ZNF675: variants seen among roughly 807,000 people sequenced by gnomAD.
ZNF675 encodes TRAF6 inhibitory zinc finger.
In ZNF675, 36 loss-of-function variants were observed where a neutral mutation model predicts 56.1. The ratio of observed to expected loss-of-function variants is 0.64; its 90% CI spans 0.49 to 0.85. The LOEUF (loss-of-function observed/expected upper bound fraction) is 0.85. Among genes scored for constraint, ZNF675 ranks in the 40% least tolerant of loss-of-function variants. The pLI, the probability that ZNF675 is intolerant of heterozygous loss-of-function variation, is 0.00. For missense variants in ZNF675, 663 were observed against 654.2 expected, an observed-to-expected ratio of 1.01 and a Z score of -0.15; for synonymous variants, 200 against 218.9, an observed-to-expected ratio of 0.91 and a Z score of 0.76.
chr19:23,668,273 T>C (rs1367498153), intron 1 of ZNF675, among the ~76,000 whole-genome samples: 3 of 148,522 alleles, frequency 2.0e-5, no homozygotes, highest in African/African-American at 5.0e-5. Flanking sequence ...AGAGTGTCGA[T>C]TGGTGCACTC....
At chr19:23,678,013 G>C (rs879522534) in intron 1 of ZNF675, among the ~76,000 whole-genome samples, 1 of 151,282 alleles carries the variant, frequency 6.6e-6, no homozygotes, top group African/African-American at 2.4e-5. Flanking sequence ...CCAGCTACTC[G>C]CGAGTCTGAG....
intron 1 of ZNF675, among the ~76,000 whole-genome samples, chr19:23,664,757 C>T (rs189773034): frequency 1.3e-5 from 2 of 152,096 alleles, no homozygotes; most frequent in Admixed American, 6.6e-5. Context: ...TTGAGAACAA[C>T]CTGGCCAACA....
chr19:23,663,233 G>C (rs1599413544), intron 1 of ZNF675, 75 bp from the exon 2 acceptor site: 1 of 1,520,910 alleles, frequency 6.6e-7, no homozygotes, highest in East Asian at 2.4e-5. Context: ...GGTAAAATGA[G>C]AGACTAAAGA....
chr19:23,659,563 G>A (rs1172454633), intron 3 of ZNF675, among the ~76,000 whole-genome samples: 1 of 152,182 alleles, frequency 6.6e-6, no homozygotes, highest in African/African-American at 2.4e-5. Flanking sequence ...GCCTTTGAGA[G>A]CTTTGAGATC....
At chr19:23,659,642 G>A (rs1968049787) in intron 3 of ZNF675, among the ~76,000 whole-genome samples, 1 of 152,126 alleles carries the variant, frequency 6.6e-6, no homozygotes. Context: ...CAGAAGGCAG[G>A]CCCTCATTCA....
chr19:23,663,222 A>G, intron 1 of ZNF675, 64 bp from the exon 2 acceptor site: 2 of 1,551,716 alleles, frequency 1.3e-6, no homozygotes, highest in Non-Finnish European at 1.7e-6. Context: ...ATTTGACTCA[A>G]GGTAAAATGA....
chr19:23,676,979 C>G (rs2144793532), intron 1 of ZNF675, among the ~76,000 whole-genome samples: 1 of 146,778 alleles, frequency 6.8e-6, no homozygotes, highest in South Asian at 2.2e-4. Context: ...GAGGCTGAGG[C>G]AAGAGAATGG....
chr19:23,665,883 G>A (rs1033242574), intron 1 of ZNF675, among the ~76,000 whole-genome samples: 3 of 152,200 alleles, frequency 2.0e-5, no homozygotes, highest in African/African-American at 7.2e-5. Context: ...AGCAGGCACA[G>A]CATGGAGTCC....
At chr19:23,662,907 C>T in intron 2 of ZNF675, 125 bp downstream of exon 2, 1 of 826,194 alleles carries the variant, frequency 1.2e-6, no homozygotes, top group East Asian at 4.3e-5. Flanking sequence ...TTGCTTGAAC[C>T]CAGGAGGCGG....
chr19:23,675,144 T>C (rs1257732243), intron 1 of ZNF675, among the ~76,000 whole-genome samples: 1 of 151,690 alleles, frequency 6.6e-6, no homozygotes, highest in African/African-American at 2.4e-5. Flanking sequence ...AAAGAATGTT[T>C]ATGGGGAAAA....
chr19:23,678,065 G>A (rs1360792334), intron 1 of ZNF675, among the ~76,000 whole-genome samples: 1 of 150,706 alleles, frequency 6.6e-6, no homozygotes, highest in Non-Finnish European at 1.5e-5. Context: ...AGGCTGCAGT[G>A]AACCAAGATC....
At chr19:23,683,798 G>T (rs1174691152) in intron 1 of ZNF675, among the ~76,000 whole-genome samples, 1 of 151,920 alleles carries the variant, frequency 6.6e-6, no homozygotes, top group Non-Finnish European at 1.5e-5. Context: ...AAACACAACT[G>T]ACAAATTTTC....
chr19:23,664,672 C>T (rs900014722), intron 1 of ZNF675, among the ~76,000 whole-genome samples: 13 of 152,160 alleles, frequency 8.5e-5, no homozygotes, highest in Non-Finnish European at 1.3e-4. Context: ...ACAACATGGG[C>T]GGGAACAGTG....
chr19:23,679,926 G>T (rs1328811621), intron 1 of ZNF675, among the ~76,000 whole-genome samples: 2 of 151,214 alleles, frequency 1.3e-5, no homozygotes, highest in East Asian at 3.9e-4. Context: ...GGAGGCAGAG[G>T]TTGTGGTGAG....
intron 1 of ZNF675, 68 bp from the exon 2 acceptor site, chr19:23,663,226 A>G (rs1034009887): frequency 1.3e-6 from 2 of 1,545,432 alleles, no homozygotes; most frequent in Non-Finnish European, 1.7e-6. Context: ...GACTCAAGGT[A>G]AAATGAGAGA....
intron 2 of ZNF675, among the ~76,000 whole-genome samples, chr19:23,662,506 T>G (rs963405184): frequency 2.0e-5 from 3 of 152,174 alleles, no homozygotes; most frequent in African/African-American, 7.2e-5. Flanking sequence ...AGGACACAGA[T>G]CAGCTCAGGA....
At chr19:23,669,044 G>A (rs75908982) in intron 1 of ZNF675, among the ~76,000 whole-genome samples, 14,534 of 152,288 alleles carry the variant, frequency 0.095, 758 homozygotes, top group East Asian at 0.22. Flanking sequence ...AGGAGGCGCC[G>A]AGAGCAAGCG....
intron 1 of ZNF675, chr19:23,686,082 A>C (rs1017089931): frequency 6.6e-6 from 1 of 152,202 alleles, no homozygotes; most frequent in African/African-American, 2.4e-5. Context: ...TTAACCTCTG[A>C]TTACATAACC....
intron 1 of ZNF675, among the ~76,000 whole-genome samples, chr19:23,685,483 G>A (rs1444859867): frequency 6.6e-6 from 1 of 152,124 alleles, no homozygotes; most frequent in African/African-American, 2.4e-5. Flanking sequence ...AAAAACTGAA[G>A]GTGGCTGAGG....
Sources: gnomAD v4.1 joint callset for allele counts (sites outside exome capture counted in the v4.1 genomes callset) on GRCh38, gnomAD v4.1.1 for gene constraint, MANE v1.5 for transcripts, NCBI Gene and HGNC (gene_info 2026-07-23, HGNC 2026-07-21) for gene names.